Variants in NECAB1 observed in about 807,000 individuals in gnomAD.
NECAB1 encodes the protein N-terminal EF-hand calcium-binding protein 1.
In NECAB1, 29 loss-of-function variants were observed where a neutral mutation model predicts 57.5. That is an observed-to-expected ratio of 0.50 (90% confidence interval 0.38 to 0.69). The LOEUF is 0.69. Among genes scored for constraint, NECAB1 ranks in the 30% least tolerant of loss-of-function variants. NECAB1 has a pLI of 0.00. For missense variants in NECAB1, 372 were observed against 413.8 expected (o/e 0.90, Z 0.88); for synonymous variants, 142 against 147.7 (o/e 0.96, Z 0.28).
intron 5 of NECAB1, among the ~76,000 whole-genome samples, chr8:90,896,422 G>C (rs369612505): frequency 2.0e-5 from 3 of 152,122 alleles, no homozygotes; most frequent in East Asian, 3.9e-4. Flanking sequence ...GGCTAACATG[G>C]TGAAACCCCG....
intron 5 of NECAB1, among the ~76,000 whole-genome samples, chr8:90,914,293 G>A (rs1809899333): frequency 6.6e-6 from 1 of 152,130 alleles, no homozygotes; most frequent in Non-Finnish European, 1.5e-5. Context: ...TATATCCTAG[G>A]TAGGGAAGAA....
At chr8:90,898,014 C>T (rs1436661937) in intron 5 of NECAB1, among the ~76,000 whole-genome samples, 1 of 152,070 alleles carries the variant, frequency 6.6e-6, no homozygotes, top group Non-Finnish European at 1.5e-5. Context: ...GCTTTTTATC[C>T]TCTGTCATTT....
intron 9 of NECAB1, among the ~76,000 whole-genome samples, chr8:90,938,611 T>G (rs892487211): frequency 6.6e-6 from 1 of 152,230 alleles, no homozygotes. Context: ...AGAATAGTCA[T>G]CAAACTTAGG....
chr8:90,945,025 G>A (rs543398261), intron 10 of NECAB1, among the ~76,000 whole-genome samples: 3 of 152,054 alleles, frequency 2.0e-5, no homozygotes, highest in Non-Finnish European at 4.4e-5. Flanking sequence ...AGCCTCCCAA[G>A]TAGCTGGGAG....
At chr8:90,909,668 GATTTT>G (rs71266153) in intron 5 of NECAB1, among the ~76,000 whole-genome samples, 79,759 of 151,506 alleles carry the variant, frequency 0.53, 24,499 homozygotes, top group African/African-American at 0.83. Context: ...TGGTAATCTA[GATTTT>G]ATTTTGTTTT....
chr8:90,892,842 G>T (rs545494099), intron 5 of NECAB1, among the ~76,000 whole-genome samples: 14 of 152,186 alleles, frequency 9.2e-5, no homozygotes, highest in Middle Eastern at 3.4e-3. Flanking sequence ...ACCTTACATT[G>T]GCTCCTCATT....
At chr8:90,866,396 A>G (rs372528810) in intron 3 of NECAB1, among the ~76,000 whole-genome samples, 132 of 152,284 alleles carry the variant, frequency 8.7e-4, no homozygotes, top group Non-Finnish European at 1.3e-3. Flanking sequence ...GTAAGCCCCA[A>G]TTAACACTTT....
At chr8:90,895,878 C>T (rs930960063) in intron 5 of NECAB1, among the ~76,000 whole-genome samples, 1 of 152,196 alleles carries the variant, frequency 6.6e-6, no homozygotes. Context: ...TTGTAACTTT[C>T]TACTCCCTTT....
rs1422638167 is a variant in NECAB1, at chr8:90,925,599, G to A, written c.559G>A (p.Val187Ile). Residue 187 changes from valine (V) to isoleucine (I), a missense_variant, in exon 7 of 13, where the codon GTC (valine) becomes ATC (isoleucine). Transcript: ENST00000417640. ...QWPGKRSSRRVQRHNSFSPNS... is the reference protein window; with the variant it reads ...QWPGKRSSRRIQRHNSFSPNS... Reference sequence around the variant, plus strand: ...GCCTGGAAAACGATCAAGCCGCCGAGTCCAGAGACACAACAGCTTCTCCCC... The same window carrying A: ...GCCTGGAAAACGATCAAGCCGCCGAATCCAGAGACACAACAGCTTCTCCCC... 3.7e-6 allele frequency: 6 copies of A among 1,613,592 alleles called. No homozygotes were observed. Among genetic ancestry groups the A allele is most frequent in the Non-Finnish European group, 5.1e-6 (6 of 1,179,800 alleles).
intron 4 of NECAB1, among the ~76,000 whole-genome samples, chr8:90,880,579 C>T (rs1808818973): frequency 2.0e-5 from 3 of 151,182 alleles, no homozygotes; most frequent in East Asian, 1.9e-4. Context: ...TAGAAGGTGC[C>T]ACAGAAGACC....
intron 5 of NECAB1, among the ~76,000 whole-genome samples, chr8:90,899,793 G>A (rs1360325761): frequency 1.3e-5 from 2 of 152,124 alleles, no homozygotes; most frequent in East Asian, 3.8e-4. Context: ...CATAATTCAG[G>A]TGGGTGCTTG....
chr8:90,857,245 A>G (rs1194951297), intron 3 of NECAB1, among the ~76,000 whole-genome samples: 1 of 152,216 alleles, frequency 6.6e-6, no homozygotes, highest in Non-Finnish European at 1.5e-5. Flanking sequence ...TGTTTGGGTA[A>G]CATAAGGCAT....
chr8:90,933,775 TC>T (rs1450084682), intron 8 of NECAB1, among the ~76,000 whole-genome samples: 1 of 152,158 alleles, frequency 6.6e-6, no homozygotes, highest in Non-Finnish European at 1.5e-5. Context: ...TTATAGGAGT[TC>T]TTCACTTTTA....
intron 2 of NECAB1, among the ~76,000 whole-genome samples, chr8:90,817,956 G>A (rs953863926): frequency 6.6e-6 from 1 of 151,628 alleles, no homozygotes; most frequent in African/African-American, 2.4e-5. Flanking sequence ...TTTTTTGTAA[G>A]GTTATTAATA....
At chr8:90,933,009 A>C (rs1484215669) in intron 8 of NECAB1, among the ~76,000 whole-genome samples, 1 of 152,210 alleles carries the variant, frequency 6.6e-6, no homozygotes, top group African/African-American at 2.4e-5. Flanking sequence ...GGGAAATGTA[A>C]ATCAAAACCA....
intron 5 of NECAB1, among the ~76,000 whole-genome samples, chr8:90,903,367 T>A (rs935206270): frequency 6.6e-6 from 1 of 151,872 alleles, no homozygotes; most frequent in Non-Finnish European, 1.5e-5. Flanking sequence ...AAAATTTTCA[T>A]ACAGCTTTAT....
intron 3 of NECAB1, among the ~76,000 whole-genome samples, chr8:90,843,577 A>G (rs912626377): frequency 1.3e-5 from 2 of 152,194 alleles, no homozygotes; most frequent in African/African-American, 4.8e-5. Context: ...ACTGACTATT[A>G]TACGCTCATC....
intron 2 of NECAB1, among the ~76,000 whole-genome samples, chr8:90,803,640 T>A (rs1263809015): frequency 1.3e-5 from 2 of 152,280 alleles, no homozygotes; most frequent in African/African-American, 4.8e-5. Flanking sequence ...CTGCCCCCAC[T>A]CTGCCTTCCT....
In NECAB1 at chr8:90,827,433, G is replaced by C. The variant is rs182326811; in HGVS notation, c.233+2608G>C. Reference sequence around the variant, plus strand: ...CAGCTCCTGCCTTTCCTTATGTCTGGAGTTGTGACTTCACTTTGGAGTCCA... The same window carrying C: ...CAGCTCCTGCCTTTCCTTATGTCTGCAGTTGTGACTTCACTTTGGAGTCCA... On this transcript the variant is annotated intron_variant, in intron 3 of 12. Coordinates refer to ENST00000417640, the MANE Select transcript of NECAB1 (RefSeq NM_022351.5). 1.9e-3 allele frequency among the ~76,000 whole-genome samples: 293 copies of C among 152,100 alleles called. 1 individual carries two copies. Among genetic ancestry groups the C allele is most frequent in the African/African-American group, 6.8e-3 (284 of 41,520 alleles).
Sources: gnomAD v4.1 joint callset for allele counts (sites outside exome capture counted in the v4.1 genomes callset) on GRCh38, gnomAD v4.1.1 for gene constraint, MANE v1.5 for transcripts, NCBI Gene and HGNC (gene_info 2026-07-23, HGNC 2026-07-21) for gene names.